The following APPL1 variants were observed in gnomAD, a reference collection of about 807,000 sequenced individuals.
APPL1 encodes the protein DCC-interacting protein 13-alpha.
Under a neutral mutation model 106.8 loss-of-function variants are expected in APPL1, and 42 were observed. The observed-to-expected ratio is 0.39, with a 90% CI of 0.31 to 0.51. APPL1 has a LOEUF of 0.51. APPL1 is among the 20% of genes least tolerant of loss of function. The pLI, the probability that APPL1 is intolerant of heterozygous loss-of-function variation, is 0.75. For missense variants in APPL1, 769 were observed against 858.2 expected, an observed-to-expected ratio of 0.90 and a Z score of 1.30; for synonymous variants, 263 against 281.8, an observed-to-expected ratio of 0.93 and a Z score of 0.67.
intron 13 of APPL1, among the ~76,000 whole-genome samples, chr3:57,256,535 A>G (rs2060837510): frequency 6.6e-6 from 1 of 152,212 alleles, no homozygotes; most frequent in African/African-American, 2.4e-5. Flanking sequence ...AATATTTCCT[A>G]TTCCTTCTAA....
rs2060908980 is a variant in APPL1, at chr3:57,268,323, T to C, written c.1894-75T>C. On this transcript the variant is annotated intron_variant, in intron 20 of 21. Coordinates refer to ENST00000288266, the MANE Select transcript of APPL1 (RefSeq NM_012096.3). ...AAAAAAATATTGAAAGGTTACCATGTGATATTAACTGAAATGTCTAAAATT... is the reference window on the plus strand; with the variant it reads ...AAAAAAATATTGAAAGGTTACCATGCGATATTAACTGAAATGTCTAAAATT... 5.2e-6 allele frequency: 7 copies of C among 1,357,986 alleles called. No individual in the cohort carries two copies. In the South Asian group the frequency reaches 1.0e-4, roughly 20 times the overall value. The allele number at this position is 1,357,986 out of a possible 1,614,324, so 84.1% of individuals were successfully genotyped here. A position where few individuals can be genotyped will look rare whatever the true frequency, so the allele number is the denominator to read the frequency against.
chr3:57,265,412 A>G (rs1289433541), intron 19 of APPL1, among the ~76,000 whole-genome samples: 3 of 152,282 alleles, frequency 2.0e-5, no homozygotes, highest in East Asian at 3.9e-4. Context: ...GGCCTCCCAA[A>G]GTGCTGGGAT....
chr3:57,273,412 TAGA>T lies in APPL1; in HGVS notation c.*3729_*3731del, dbSNP rs916015914. 1.3e-5 allele frequency: 2 copies of T among 152,650 alleles called. No homozygotes were observed. The highest frequency in any genetic ancestry group is 1.9e-4 in the East Asian group (1 of 5,204). The allele number at this position is 152,650 out of a possible 1,614,324, so 9.5% of individuals were successfully genotyped here. A position where few individuals can be genotyped will look rare whatever the true frequency, so the allele number is the denominator to read the frequency against. Reference sequence around the variant, plus strand: ...GACAAGGCTTCAGGAAAAAAGTTGTTAGAAGATTTTTTAATGTATAATAAAGTC... The same window carrying T: ...GACAAGGCTTCAGGAAAAAAGTTGTTAGATTTTTTAATGTATAATAAAGTC... On this transcript the variant is annotated 3_prime_UTR_variant, in exon 22 of 22. Coordinates refer to ENST00000288266, the MANE Select transcript of APPL1 (RefSeq NM_012096.3).
At chr3:57,269,250 T>C in intron 21 of APPL1, 1 of 241,328 alleles carries the variant, frequency 4.1e-6, no homozygotes, top group South Asian at 1.0e-4. Flanking sequence ...AGGGTTTTAC[T>C]ATAATATATA....
chr3:57,229,726 T>TC, intron 1 of APPL1, among the ~76,000 whole-genome samples: 1 of 147,132 alleles, frequency 6.8e-6, no homozygotes, highest in East Asian at 2.0e-4. Context: ...TTTTTTTTTT[T>TC]TCCTGAGACG....
At chr3:57,248,059 G>C in intron 9 of APPL1, 134 bp from the exon 10 acceptor site, 7 of 780,340 alleles carry the variant, frequency 9.0e-6, no homozygotes, top group Non-Finnish European at 1.3e-5. Context: ...AAATATATTC[G>C]TGTTGTTTTA....
At position 57,245,367 on chromosome 3, in the gene APPL1, T is replaced by C. The variant is rs138720149; in HGVS notation, c.475-709T>C. 2.0e-5 allele frequency among the ~76,000 whole-genome samples: 3 copies of C among 152,190 alleles called. No homozygotes were observed. The East Asian group carries it at 5.8e-4, about 29-fold the overall frequency. ...AGCAAGTGCAAGAGAGGAAGACTGA[T>C]AGGGAGAGAACCAGGAGGGGAGAAT... On this transcript the variant is annotated intron_variant, in intron 7 of 21. Coordinates refer to ENST00000288266, the MANE Select transcript of APPL1 (RefSeq NM_012096.3).
At position 57,257,006 on chromosome 3, in the gene APPL1, C is replaced by G. The variant is rs1413489213; in HGVS notation, c.1202C>G (p.Ser401Cys). The part of the protein sequence containing the change: ...NQSALEAVTP[S>C]PSFQQRHESL... ...TCAGCTCTGGAAGCTGTCACTCCTT[C>G]CCCATCTTTCCAGCAGAGGCACGAG... Residue 401 changes from serine to cysteine, a missense_variant, in exon 14 of 22, where the codon TCC becomes TGC. By Grantham distance (112) the Ser-to-Cys change is moderately radical (BLOSUM62 -1). Coordinates refer to ENST00000288266, the MANE Select transcript of APPL1 (RefSeq NM_012096.3). The G allele has an allele frequency of 6.2e-7, 1 of 1,614,148 alleles. No individual in the cohort carries two copies. Among genetic ancestry groups the G allele is most frequent in the Non-Finnish European group, 8.5e-7 (1 of 1,180,036 alleles).
Position 57,253,922 on chromosome 3 carries a change from G to A in APPL1, c.1152+184G>A, listed in dbSNP as rs3942261. The stretch of plus-strand genomic sequence containing the variant: ...CCATTGCCCAGGCTGGAGTGCTGTG[G>A]CCTGATCTTTGTTCACTACAACCTC... On this transcript the variant is annotated intron_variant, in intron 13 of 21. Transcript: ENST00000288266. Among the ~76,000 whole-genome samples the A allele has an allele frequency of 0.11, 15,890 of 150,514 alleles. 1,356 individuals carry two copies. Among genetic ancestry groups the A allele is most frequent in the East Asian group, 0.39 (1,988 of 5,090 alleles).
chr3:57,255,689 C>T (rs1005071354), intron 13 of APPL1, among the ~76,000 whole-genome samples: 4 of 152,192 alleles, frequency 2.6e-5, no homozygotes, highest in East Asian at 1.9e-4. Flanking sequence ...AGTTTAATTA[C>T]GGAAAATCAG....
At position 57,249,528 on chromosome 3, in the gene APPL1, C is replaced by A. The variant is rs2060792220; in HGVS notation, c.1032C>A (p.Ile344=). Residue 344 remains isoleucine, a synonymous_variant, in exon 11 of 22, where the codon ATC becomes ATA. Coordinates refer to ENST00000288266, the MANE Select transcript of APPL1 (RefSeq NM_012096.3). ...AAGACAGACGATATTGTTTTCAGAT[C>A]ACCTCTTTCGATGGAAAAAAGTTAG... ...DCEDRRYCFQ[I]TSFDGKKSSI... is the part of the protein sequence containing the mutation. 6.3e-7 allele frequency: 1 copy of A among 1,585,558 alleles called. No individual in the cohort carries two copies. Among genetic ancestry groups the A allele is most frequent in the Non-Finnish European group, 8.6e-7 (1 of 1,168,292 alleles).
At chr3:57,260,449 G>T in intron 18 of APPL1, 179 bp from the exon 19 acceptor site, 1 of 574,244 alleles carries the variant, frequency 1.7e-6, no homozygotes, top group Non-Finnish European at 2.7e-6. Flanking sequence ...ACCTTTTTCT[G>T]CTTGTTAATT....
rs1175047255 is a variant in APPL1 at position 57,271,742 on chromosome 3, G to C, written c.*2055G>C. On this transcript the variant is annotated 3_prime_UTR_variant, in exon 22 of 22. Coordinates refer to ENST00000288266, the MANE Select transcript of APPL1 (RefSeq NM_012096.3). ...AGGCACTGGCAGACTTAGGGATGCT[G>C]GACAGACCTGTAGTTCGTTTTAAGT... The C allele has an allele frequency of 1.3e-5, 2 of 152,146 alleles. No individual in the cohort carries two copies. Among genetic ancestry groups the C allele is most frequent in the Non-Finnish European group, 2.9e-5 (2 of 68,040 alleles). 9.4% of individuals were successfully genotyped at this position (152,146 alleles called of 1,614,324 possible).
intron 1 of APPL1, chr3:57,230,790 G>A (rs2060682288): frequency 2.2e-6 from 1 of 447,204 alleles, no homozygotes; most frequent in Admixed American, 2.6e-5. Context: ...TTTTTTTTTT[G>A]AGACAGAGTC....
chr3:57,267,851 G>A (rs1483685074), intron 20 of APPL1, 59 bp downstream of exon 20: 1 of 1,569,198 alleles, frequency 6.4e-7, no homozygotes, highest in East Asian at 2.2e-5. Context: ...CAGCACATTG[G>A]GAGGCCGAGG....
intron 19 of APPL1, among the ~76,000 whole-genome samples, chr3:57,261,601 C>G (rs56912678): frequency 0.17 from 25,990 of 152,148 alleles, 2,471 homozygotes; most frequent in African/African-American, 0.21. Flanking sequence ...TCACTGCAAC[C>G]TCTGCCTCCT....
rs1467093415 is a variant in APPL1 at position 57,228,267 on chromosome 3, A to G, written c.54+330A>G. On this transcript the variant is annotated intron_variant, in intron 1 of 21. Coordinates refer to ENST00000288266, the MANE Select transcript of APPL1 (RefSeq NM_012096.3). This position sits in a 1 kb window ranked among gnomAD's most constrained non-coding sequence, Gnocchi z 4.6. ...CGGTGATGTGAGGTGCCAAATCTCG[A>G]TCCTGGAATTTTCTCCCTGAGAACC... is the stretch of plus-strand genomic sequence containing the variant. Among the ~76,000 whole-genome samples the G allele has an allele frequency of 6.6e-6, 1 of 152,204 alleles. No individual in the cohort carries two copies. The highest frequency in any genetic ancestry group is 1.5e-5 in the Non-Finnish European group (1 of 68,018).
chr3:57,249,122 A>T (rs1194934448), intron 10 of APPL1, among the ~76,000 whole-genome samples: 4 of 152,226 alleles, frequency 2.6e-5, no homozygotes, highest in Non-Finnish European at 5.9e-5. Context: ...TCATTATTAT[A>T]ACAGCCACAG....
At chr3:57,244,376 G>A (rs538820986) in intron 7 of APPL1, among the ~76,000 whole-genome samples, 3 of 152,196 alleles carry the variant, frequency 2.0e-5, no homozygotes, top group East Asian at 3.9e-4. Context: ...GGCTGGTCTC[G>A]AACTCCTGAC....
Sources: allele counts gnomAD v4.1 joint callset (sites outside exome capture counted in the v4.1 genomes callset), GRCh38; gene constraint gnomAD v4.1.1; non-coding constraint Gnocchi (gnomAD v3.1); transcripts MANE v1.5; gene names NCBI Gene and HGNC (gene_info 2026-07-23, HGNC 2026-07-21).